Variants in REG4 observed in about 807,000 individuals in gnomAD.
REG4 encodes the protein regenerating family member 4.
REG4 carries 16 observed loss-of-function variants against 22.3 expected under a neutral mutation model. The ratio of observed to expected loss-of-function variants is 0.72; its 90% confidence interval spans 0.49 to 1.09. The LOEUF is 1.09. Among genes scored for constraint, REG4 ranks in the 50% least tolerant of loss-of-function variants. The pLI is 0.00. For missense variants in REG4, 214 were observed against 193.9 expected (o/e 1.10, Z -0.61); for synonymous variants, 71 against 69.2 (o/e 1.03, Z -0.13).
intron 5 of REG4, among the ~76,000 whole-genome samples, chr1:119,796,475 G>C (rs587630413): frequency 6.6e-6 from 1 of 152,128 alleles, no homozygotes; most frequent in Admixed American, 6.5e-5. Context: ...TCTTTCTAAA[G>C]AGTTATAAAA....
chr1:119,798,646 C>T, intron 4 of REG4, 44 bp from the exon 5 acceptor site: 2 of 1,492,780 alleles, frequency 1.3e-6, no homozygotes, highest in Non-Finnish European at 1.9e-6. Flanking sequence ...CAGCAACCCA[C>T]CTGCCACAGC....
chr1:119,804,106 C>T (rs887512383), intron 2 of REG4, among the ~76,000 whole-genome samples: 3 of 152,198 alleles, frequency 2.0e-5, no homozygotes, highest in Admixed American at 6.5e-5. Flanking sequence ...AAGGGGATGT[C>T]AAGCTAGCAA....
chr1:119,808,926 G>A, intron 1 of REG4, 63 bp from the exon 2 acceptor site: 1 of 539,372 alleles, frequency 1.9e-6, no homozygotes, highest in South Asian at 2.5e-5. Context: ...TACATATGGA[G>A]GAAAATAATA....
chr1:119,794,499 G>T lies in REG4; in HGVS notation c.*119C>A. On this transcript the variant is annotated 3_prime_UTR_variant, in exon 6 of 6. Coordinates refer to ENST00000256585, the MANE Select transcript of REG4 (RefSeq NM_032044.4). ...AGCCTAAAAAAGCCAGTGTAGTAGG[G>T]CCCTTATCACTCTTAGTTTGCTAGG... 1 of 911,288 alleles carries T rather than the reference G, an allele frequency of 1.1e-6. No homozygotes were observed. 56.5% of individuals were successfully genotyped at this position (911,288 alleles called of 1,614,324 possible).
At chr1:119,809,009 T>G in intron 1 of REG4, 146 bp from the exon 2 acceptor site, 1 of 449,316 alleles carries the variant, frequency 2.2e-6, no homozygotes, top group South Asian at 3.2e-5. Context: ...TTAGAAAATT[T>G]TAAGAGATTT....
At chr1:119,798,357 G>A in intron 5 of REG4, 140 bp downstream of exon 5, 1 of 678,226 alleles carries the variant, frequency 1.5e-6, no homozygotes, top group Non-Finnish European at 2.7e-6. Flanking sequence ...CTGTGGCAAG[G>A]CCACTGCCTT....
rs1045625285 is a variant in REG4, at chr1:119,799,814, T to C, written c.214A>G (p.Ser72Gly). 4 of 1,614,038 alleles carry C rather than the reference T, an allele frequency of 2.5e-6. No homozygotes were observed. The highest frequency in any genetic ancestry group is 3.4e-6 in the Non-Finnish European group (4 of 1,180,050). ...GCTATGGTGCTGGCTTCCTTTAAAC[T>C]CAGGATAGATGCCAGGTGGGCTCCG... ...GNGAHLASILSLKEASTIAEY... is the reference protein window; with the variant it reads ...GNGAHLASILGLKEASTIAEY... The change falls in exon 4 of 6, where the codon AGT (serine) becomes GGT (glycine). Residue 72 changes from serine to glycine, a missense_variant. Physicochemically the swap from Ser to Gly is moderately conservative, Grantham distance 56. Transcript: ENST00000256585.
chr1:119,798,637 A>T, intron 4 of REG4, 35 bp from the exon 5 acceptor site: 1 of 1,559,758 alleles, frequency 6.4e-7, no homozygotes, highest in Non-Finnish European at 8.8e-7. Flanking sequence ...TGTACAGCTC[A>T]GCAACCCACC....
At chr1:119,804,430 C>A (rs1355940487) in intron 2 of REG4, among the ~76,000 whole-genome samples, 1 of 152,216 alleles carries the variant, frequency 6.6e-6, no homozygotes, top group Non-Finnish European at 1.5e-5. Context: ...CGTCTTGGAA[C>A]ACGAATGCTC....
At position 119,803,011 on chromosome 1, in the gene REG4, C is replaced by T. The variant is rs189142328; in HGVS notation, c.165+57G>A. 9 of 1,608,388 alleles carry T rather than the reference C, an allele frequency of 5.6e-6. No individual in the cohort carries two copies. In the Admixed American group the frequency reaches 1.4e-4, roughly 24 times the overall value. The stretch of plus-strand genomic sequence containing the variant: ...ATCCTGAATCAAATGAGATCTGGGG[C>T]TCTGGCTGGTCCTTTGCTCTAGAAA... On this transcript the variant is annotated intron_variant, in intron 3 of 5. Transcript: ENST00000256585.
chr1:119,800,908 G>A (rs1337827481), intron 3 of REG4, among the ~76,000 whole-genome samples: 1 of 152,148 alleles, frequency 6.6e-6, no homozygotes, highest in African/African-American at 2.4e-5. Flanking sequence ...CTGCTTTGTT[G>A]CAACTTTTAA....
At chr1:119,797,497 C>A (rs1373645986) in intron 5 of REG4, among the ~76,000 whole-genome samples, 1 of 152,168 alleles carries the variant, frequency 6.6e-6, no homozygotes, top group Non-Finnish European at 1.5e-5. Flanking sequence ...TGGGGATGAC[C>A]AAGTCCCTCC....
chr1:119,797,003 C>T (rs970520104), intron 5 of REG4, among the ~76,000 whole-genome samples: 2 of 152,316 alleles, frequency 1.3e-5, no homozygotes, highest in South Asian at 2.1e-4. Context: ...GGTCTGAAAA[C>T]GAATCCCTGA....
At chr1:119,805,756 C>T (rs587630752) in intron 2 of REG4, among the ~76,000 whole-genome samples, 2 of 152,148 alleles carry the variant, frequency 1.3e-5, no homozygotes, top group Admixed American at 1.3e-4. Context: ...TATGTGTGTT[C>T]CTCCTTGCCT....
At chr1:119,804,442 G>A (rs760156525) in intron 2 of REG4, among the ~76,000 whole-genome samples, 1 of 152,182 alleles carries the variant, frequency 6.6e-6, no homozygotes, top group African/African-American at 2.4e-5. Flanking sequence ...CGAATGCTCA[G>A]TGTAGCTTTA....
At chr1:119,803,299 A>G (rs1654182146) in intron 2 of REG4, 134 bp from the exon 3 acceptor site, 1 of 828,286 alleles carries the variant, frequency 1.2e-6, no homozygotes, top group Admixed American at 3.7e-5. Context: ...CACTGCCAAA[A>G]ATGTATACAG....
chr1:119,800,375 C>T (rs1654062074), intron 3 of REG4, among the ~76,000 whole-genome samples: 1 of 152,202 alleles, frequency 6.6e-6, no homozygotes, highest in Non-Finnish European at 1.5e-5. Context: ...TAGCACACTC[C>T]TGATTTTAGA....
At chr1:119,795,531 A>C (rs1330066490) in intron 5 of REG4, among the ~76,000 whole-genome samples, 10 of 152,236 alleles carry the variant, frequency 6.6e-5, no homozygotes, top group Admixed American at 6.5e-4. Flanking sequence ...CCCTCCCAGA[A>C]GCCAAGCTCC....
At chr1:119,798,467 A>C in intron 5 of REG4, 30 bp downstream of exon 5, 1 of 1,548,702 alleles carries the variant, frequency 6.5e-7, no homozygotes, top group Non-Finnish European at 8.9e-7. Context: ...CGCATTGGGA[A>C]GTGGTGAGGG....
Sources: gnomAD v4.1 joint callset for allele counts (sites outside exome capture counted in the v4.1 genomes callset) on GRCh38, gnomAD v4.1.1 for gene constraint, MANE v1.5 for transcripts, NCBI Gene and HGNC (gene_info 2026-07-23, HGNC 2026-07-21) for gene names.